The following CAST variants were observed in gnomAD, a reference collection of about 807,000 sequenced individuals.
CAST encodes the protein calpastatin.
In CAST, 76 loss-of-function variants were observed where a neutral mutation model predicts 119.6. The observed-to-expected ratio is 0.64, with a 90% confidence interval of 0.53 to 0.77. The LOEUF (loss-of-function observed/expected upper bound fraction) is 0.77, where lower values mean the gene tolerates loss of function less well. CAST is among the 30% of genes least tolerant of loss of function. The probability of loss-of-function intolerance (pLI) is 0.00; values close to 1 mark genes in which losing one functional copy is unlikely to be tolerated. For missense variants in CAST, 953 were observed against 946.5 expected, an observed-to-expected ratio of 1.01 and a Z score of -0.09; for synonymous variants, 319 against 331.6, an observed-to-expected ratio of 0.96 and a Z score of 0.41.
chr5:96,669,290 G>A (rs558382704), intron 1 of CAST, among the ~76,000 whole-genome samples: 1 of 152,170 alleles, frequency 6.6e-6, no homozygotes, highest in East Asian at 1.9e-4. Flanking sequence ...AGGCATTTTT[G>A]TGGGAAATAC....
At chr5:96,370,268 G>A in the CAST span, among the ~76,000 whole-genome samples, 1 of 152,006 alleles carries the variant, frequency 6.6e-6, no homozygotes, top group African/African-American at 2.4e-5. Context: ...ACCAGGACCA[G>A]AATTTTGTAT....
At chr5:96,022,117 T>A in the CAST span, among the ~76,000 whole-genome samples, 15,517 of 152,200 alleles carry the variant, frequency 0.1, 1,098 homozygotes, top group East Asian at 0.24. Flanking sequence ...AGGATGTACA[T>A]AGGTTATGTG....
intron 19 of CAST, among the ~76,000 whole-genome samples, chr5:96,749,633 A>G (rs1273669798): frequency 6.6e-6 from 1 of 152,090 alleles, no homozygotes; most frequent in Non-Finnish European, 1.5e-5. Flanking sequence ...TCCAGCCTCA[A>G]TCTTCCAGGC....
At chr5:95,994,780 T>C in the CAST span, among the ~76,000 whole-genome samples, 1 of 152,128 alleles carries the variant, frequency 6.6e-6, no homozygotes, top group East Asian at 1.9e-4. Context: ...TCCAGATTCC[T>C]GGCAGATGAT....
At chr5:96,070,663 T>C in the CAST span, among the ~76,000 whole-genome samples, 3 of 93,668 alleles carry the variant, frequency 3.2e-5, no homozygotes, top group Non-Finnish European at 4.9e-5. Context: ...GTTTTTGTTT[T>C]TGAATACGTT....
the CAST span, among the ~76,000 whole-genome samples, chr5:96,458,759 C>G: frequency 6.6e-6 from 1 of 152,014 alleles, no homozygotes; most frequent in African/African-American, 2.4e-5. Context: ...TAAGAATTTT[C>G]AGAATTAATT....
At chr5:96,112,787 A>G in the CAST span, among the ~76,000 whole-genome samples, 9 of 152,216 alleles carry the variant, frequency 5.9e-5, no homozygotes, top group Admixed American at 3.9e-4. Context: ...TATGTTAGCC[A>G]ACAACTGGAC....
chr5:96,698,070 T>A (rs1753505482), intron 3 of CAST, among the ~76,000 whole-genome samples: 1 of 152,218 alleles, frequency 6.6e-6, no homozygotes, highest in African/African-American at 2.4e-5. Context: ...CCAGTGAGAT[T>A]TAGTGAGTTA....
At chr5:96,014,883 A>T in the CAST span, among the ~76,000 whole-genome samples, 4 of 152,158 alleles carry the variant, frequency 2.6e-5, no homozygotes, top group East Asian at 1.9e-4. Context: ...GTAATATTTC[A>T]CACAGGAAGC....
Position 96,695,878 on chromosome 5 carries a change from T to C in CAST, c.181T>C (p.Tyr61His), listed in dbSNP as rs369262168. The change falls in exon 3 of 32, where the codon TAT becomes CAT. Residue 61 changes from tyrosine (Y) to histidine (H), a missense_variant. Tyr to His is a moderately conservative substitution (Grantham distance 83). Transcript: ENST00000675179. Reference sequence around the variant, plus strand: ...CGGCAGCAGTCAATCCTCCAGAACCTATGCTGGTGGAACAGCCTCGGCCAC... The same window carrying C: ...CGGCAGCAGTCAATCCTCCAGAACCCATGCTGGTGGAACAGCCTCGGCCAC... Reference protein sequence around the residue: ...SLGSSQSSRTYAGGTASATKV... With the variant: ...SLGSSQSSRTHAGGTASATKV... 3.9e-5 allele frequency: 63 copies of C among 1,613,064 alleles called. No individual in the cohort carries two copies. Among genetic ancestry groups the C allele is most frequent in the Non-Finnish European group, 5.2e-5 (61 of 1,179,400 alleles).
intron 1 of CAST, among the ~76,000 whole-genome samples, chr5:96,556,987 C>A (rs866885112): frequency 6.6e-6 from 1 of 152,058 alleles, no homozygotes; most frequent in Admixed American, 6.6e-5. Flanking sequence ...CAAAGGGAAG[C>A]CCATCAGAAT....
the CAST span, among the ~76,000 whole-genome samples, chr5:95,996,432 A>C: frequency 6.6e-6 from 1 of 152,150 alleles, no homozygotes. Context: ...TAACAGTGAT[A>C]ATTATTTTCA....
At chr5:96,666,245 G>A (rs1436241135) in intron 1 of CAST, among the ~76,000 whole-genome samples, 3 of 123,498 alleles carry the variant, frequency 2.4e-5, no homozygotes, top group African/African-American at 1.1e-4. Context: ...TCTGAAAAAT[G>A]TGGTTGTAGT....
chr5:96,704,343 G>C (rs966691131), intron 3 of CAST, among the ~76,000 whole-genome samples: 6 of 152,170 alleles, frequency 3.9e-5, no homozygotes, highest in African/African-American at 1.4e-4. Flanking sequence ...TGGCAGAATT[G>C]ACTAAGTATA....
At chr5:96,572,008 A>G (rs1746578682) in intron 1 of CAST, among the ~76,000 whole-genome samples, 1 of 152,242 alleles carries the variant, frequency 6.6e-6, no homozygotes. Context: ...TATGCCAGCA[A>G]TGGTGGATAA....
chr5:96,182,554 T>C, the CAST span, among the ~76,000 whole-genome samples: 1 of 152,216 alleles, frequency 6.6e-6, no homozygotes, highest in Non-Finnish European at 1.5e-5. Context: ...GGTAAAAGTT[T>C]GTATCCATCC....
the CAST span, among the ~76,000 whole-genome samples, chr5:96,280,984 A>T: frequency 6.6e-6 from 1 of 152,302 alleles, no homozygotes; most frequent in East Asian, 1.9e-4. Context: ...TGTTTAAAAT[A>T]ATAGAAACAA....
At chr5:96,524,243 T>C (rs1022494490), upstream of CAST, among the ~76,000 whole-genome samples, 7 of 152,332 alleles carry the variant, frequency 4.6e-5, no homozygotes, top group East Asian at 1.2e-3. Context: ...CCATGCCTAA[T>C]AGACTCTTGA....
the CAST span, among the ~76,000 whole-genome samples, chr5:96,337,444 A>C: frequency 1.3e-5 from 2 of 152,216 alleles, no homozygotes; most frequent in Non-Finnish European, 2.9e-5. Context: ...ATTGAACTTC[A>C]TAGTACACTG....
Sources: allele counts gnomAD v4.1 joint callset (sites outside exome capture counted in the v4.1 genomes callset), GRCh38; gene constraint gnomAD v4.1.1; transcripts MANE v1.5; gene names NCBI Gene and HGNC (gene_info 2026-07-23, HGNC 2026-07-21).